PLEC: variants seen among roughly 807,000 people sequenced by gnomAD.
PLEC encodes the protein hemidesmosomal protein 1.
PLEC carries 216 observed loss-of-function variants against 392.8 expected under a neutral mutation model. The ratio of observed to expected loss-of-function variants is 0.55; its 90% confidence interval spans 0.49 to 0.62. The LOEUF (loss-of-function observed/expected upper bound fraction) is 0.62, where lower values mean the gene tolerates loss of function less well. Among genes scored for constraint, PLEC ranks in the 20% least tolerant of loss-of-function variants. PLEC has a pLI of 0.00. For synonymous variants in PLEC, 3,621 were observed against 2,980.6 expected (o/e 1.21, Z -7.00); for missense variants, 6,863 against 6,563.4 (o/e 1.05, Z -1.58).
At chr8:143,941,694 CA>C (rs61586730), upstream of PLEC, among the ~76,000 whole-genome samples, 141,280 of 141,290 alleles carry the variant, frequency 1, 70,635 homozygotes, top group Middle Eastern at 1. Flanking sequence ...CCGCCCCATC[CA>C]ATCCTATTCT....
At chr8:143,972,330 C>G (rs981350304) in intron 1 of PLEC, among the ~76,000 whole-genome samples, 2 of 152,208 alleles carry the variant, frequency 1.3e-5, no homozygotes, top group Admixed American at 6.5e-5. Flanking sequence ...TCCCCTGGCC[C>G]GAATGAACTA....
Position 143,932,408 on chromosome 8 carries a change from T to C in PLEC, c.1969A>G (p.Ser657Gly). 6.2e-7 allele frequency: 1 copy of C among 1,612,716 alleles called. No homozygotes were observed. The highest frequency in any genetic ancestry group is 1.7e-5 in the Admixed American group (1 of 60,008). The change falls in exon 16 of 32, where the codon AGC becomes GGC. Residue 657 changes from serine (S) to glycine (G), a missense_variant. Transcript: ENST00000345136. ...GCTGGGCCACCGCTCACCGAGTAGC[T>C]CTCCTTCTTGGCGGTCATGTTGGTG... is the stretch of plus-strand genomic sequence containing the variant. The part of the protein sequence containing the change: ...RNTNMTAKKE[S>G]YSALMRELEL...
exon 1 of PLEC, chr8:143,950,563 G>A: frequency 6.2e-7 from 1 of 1,608,554 alleles, no homozygotes; most frequent in Non-Finnish European, 8.5e-7. Flanking sequence ...TGGCACGCAT[G>A]ACCTGCAGGT....
At chr8:143,968,527 C>A (rs2132939491) in intron 1 of PLEC, among the ~76,000 whole-genome samples, 2 of 48,574 alleles carry the variant, frequency 4.1e-5, no homozygotes, top group African/African-American at 3.2e-4. Flanking sequence ...AAAACTCCAT[C>A]TCAAAAAAAA....
chr8:143,966,807 T>A (rs1344159857), intron 1 of PLEC, among the ~76,000 whole-genome samples: 2 of 152,040 alleles, frequency 1.3e-5, no homozygotes, highest in Non-Finnish European at 2.9e-5. Context: ...ATGTTTACAA[T>A]CATCCCTGTA....
rs373846655 is a variant in PLEC, at chr8:143,917,091, G to A, written c.12730C>T (p.Arg4244Cys). ...GATCCCACCGAGGAGGAACGGGAGC[G>A]GAAACCACCGGCGTTGCCCGAGAGC... ...DMLSGNAGGF[R>C]SRSSSVGSSS... Residue 4244 changes from arginine to cysteine, a missense_variant, in exon 32 of 32, where the codon CGC (arginine) becomes TGC (cysteine). Coordinates refer to ENST00000345136, the MANE Select transcript of PLEC (RefSeq NM_201384.3). The A allele has an allele frequency of 2.1e-5, 34 of 1,606,440 alleles. No homozygotes were observed. The highest frequency in any genetic ancestry group is 1.1e-4 in the East Asian group (5 of 44,666).
In PLEC at chr8:143,924,256, G is replaced by C. The variant is rs191863619; in HGVS notation, c.5673C>G (p.Ile1891Met). The part of the protein sequence containing the change: ...EEQAAQHKAD[I>M]EERLAQLRKA... ...TGCGCAGCTGGGCCAGGCGCTCCTC[G>C]ATGTCAGCCTTGTGTTGCGCGGCCT... The change falls in exon 31 of 32, where the codon ATC becomes ATG. Residue 1891 changes from isoleucine to methionine, a missense_variant. Physicochemically the swap from Ile to Met is conservative, Grantham distance 10 (BLOSUM62 1). Transcript: ENST00000345136. 3 of 1,597,504 alleles carry C rather than the reference G, an allele frequency of 1.9e-6. No individual in the cohort carries two copies. The South Asian group carries it at 3.3e-5, about 18-fold the overall frequency.
chr8:143,965,725 C>T (rs1833054574), intron 1 of PLEC, among the ~76,000 whole-genome samples: 1 of 152,210 alleles, frequency 6.6e-6, no homozygotes, highest in Non-Finnish European at 1.5e-5. Context: ...CCCAACAGCC[C>T]AACCCTGGGA....
exon 1 of PLEC, chr8:143,950,793 G>T (rs1554736168): frequency 1.3e-6 from 2 of 1,525,188 alleles, no homozygotes; most frequent in East Asian, 4.9e-5. Flanking sequence ...AGAAGCTCCC[G>T]CGCTACAGGG....
intron 1 of PLEC, among the ~76,000 whole-genome samples, chr8:143,965,959 T>G (rs1554742099): frequency 6.6e-6 from 1 of 152,138 alleles, no homozygotes; most frequent in Non-Finnish European, 1.5e-5. Context: ...CTAGCCTCCA[T>G]GTCACCGCTC....
intron 1 of PLEC, among the ~76,000 whole-genome samples, chr8:143,949,669 A>C (rs1041295283): frequency 6.6e-6 from 1 of 152,146 alleles, no homozygotes; most frequent in Non-Finnish European, 1.5e-5. Context: ...GCCACCACCA[A>C]GTCCAAGCTG....
At chr8:143,949,846 G>C (rs557674794) in intron 1 of PLEC, among the ~76,000 whole-genome samples, 1 of 152,186 alleles carries the variant, frequency 6.6e-6, no homozygotes, top group African/African-American at 2.4e-5. Flanking sequence ...GAGGAGCCTC[G>C]GGGAAGACAG....
At position 143,923,615 on chromosome 8, in the gene PLEC, G is replaced by A. The variant is rs74772299; in HGVS notation, c.6314C>T (p.Ala2105Val). Residue 2105 changes from alanine to valine, a missense_variant, in exon 31 of 32, where the codon GCG becomes GTG. By Grantham distance (64) the Ala-to-Val change is moderately conservative. Transcript: ENST00000345136. ...EARVQAEREA[A>V]QSRRQVEEAE... Reference sequence around the variant, plus strand: ...CTCTTCCACCTGCCGCCGGGACTGCGCCGCCTCACGCTCCGCCTGCACCCG... The same window carrying A: ...CTCTTCCACCTGCCGCCGGGACTGCACCGCCTCACGCTCCGCCTGCACCCG... 73,549 of 1,589,866 alleles carry A rather than the reference G, an allele frequency of 0.046. 2,568 individuals are homozygous for A. The highest frequency in any genetic ancestry group is 0.13 in the Admixed American group (7,974 of 59,296).
chr8:143,968,889 C>T (rs529933875), intron 1 of PLEC, among the ~76,000 whole-genome samples: 46 of 152,292 alleles, frequency 3.0e-4, no homozygotes, highest in South Asian at 2.1e-3. Context: ...TTGGAAACCT[C>T]GCACCCGGCT....
chr8:143,938,152 A>G lies in PLEC; in HGVS notation c.263T>C (p.Leu88Pro). ...SLLEVLSGDSLPREKGRMRFH... is the reference protein window; with the variant it reads ...SLLEVLSGDSPPREKGRMRFH... ...CGGAGGGGGCAGGGGCACACGTACC[A>G]GGCTGTCCCCCGAGAGGACCTCCAG... The change falls in exon 3 of 32, where the codon CTG (leucine) becomes CCG (proline). Residue 88 changes from leucine to proline, a missense_variant and splice_region_variant. Physicochemically the swap from Leu to Pro is moderately conservative, Grantham distance 98. Coordinates refer to ENST00000345136, the MANE Select transcript of PLEC (RefSeq NM_201384.3). The G allele has an allele frequency of 2.5e-6, 4 of 1,601,778 alleles. No individual in the cohort carries two copies. Among genetic ancestry groups the G allele is most frequent in the Non-Finnish European group, 3.4e-6 (4 of 1,176,248 alleles).
Position 143,922,590 on chromosome 8 carries a change from G to A in PLEC, c.7339C>T (p.Arg2447Cys), listed in dbSNP as rs781936848. The change falls in exon 31 of 32, where the codon CGC becomes TGC. Residue 2447 changes from arginine (R) to cysteine (C), a missense_variant. Transcript: ENST00000345136. ...AGCTCAGCGATGGCCTCCCGCAGGC[G>A]CTCGGCATCATGGTCACTCTGCTGT... ...QRQQSDHDAE[R>C]LREAIAELER... is the part of the protein sequence containing the mutation. 186 of 1,613,544 alleles carry A rather than the reference G, an allele frequency of 1.2e-4. No individual in the cohort carries two copies. The Admixed American group carries it at 2.5e-3, about 21-fold the overall frequency.
At position 143,916,550 on chromosome 8, in the gene PLEC, T is replaced by C. The variant is rs1586748664; in HGVS notation, c.13271A>G (p.Lys4424Arg). 2 of 1,611,764 alleles carry C rather than the reference T, an allele frequency of 1.2e-6. No homozygotes were observed. The highest frequency in any genetic ancestry group is 2.2e-5 in the South Asian group (2 of 91,080). Residue 4424 changes from lysine (K) to arginine (R), a missense_variant, in exon 32 of 32, where the codon AAG becomes AGG. Coordinates refer to ENST00000345136, the MANE Select transcript of PLEC (RefSeq NM_201384.3). ...RGTVDARTAQ[K>R]LRDVGAYSKY... ...GGAGTAGGCGCCCACGTCACGCAGC[T>C]TCTGTGCGGTGCGGGCGTCCACCGT... is the stretch of plus-strand genomic sequence containing the variant.
At position 143,969,978 on chromosome 8, in the gene PLEC, G is replaced by A. The variant is rs111378623; in HGVS notation, c.70+3425C>T. ...TGGGTGTGTTGGGTCTCCACAGGGC[G>A]TGTGCCCAGCCTGTGGCCTGCACTC... On this transcript the variant is annotated intron_variant, in intron 1 of 31. Coordinates refer to the PLEC transcript ENST00000356346. The surrounding 1 kb of genome is among the most constrained non-coding windows in gnomAD (Gnocchi z 5.1). Among the ~76,000 whole-genome samples, 4 of 152,060 alleles carry A rather than the reference G, an allele frequency of 2.6e-5. No homozygotes were observed. The highest frequency in any genetic ancestry group is 7.2e-5 in the African/African-American group (3 of 41,394).
rs782170916 is a variant in PLEC at position 143,934,707 on chromosome 8, C to T, written c.969G>A (p.Lys323=). 1 of 1,612,768 alleles carries T rather than the reference C, an allele frequency of 6.2e-7. No homozygotes were observed. The highest frequency in any genetic ancestry group is 1.1e-5 in the South Asian group (1 of 91,088). Residue 323 remains lysine, a synonymous_variant, in exon 10 of 32, where the codon AAG becomes AAA. Coordinates refer to ENST00000345136, the MANE Select transcript of PLEC (RefSeq NM_201384.3). ...TGGCTGGTAGCTCCATCTCCTTAAA[C>T]TTCAGGAACTGAGACCACAGGATCT... ...EIEILWSQFL[K]FKEMELPAKE...
Sources: gnomAD v4.1 joint callset for allele counts (sites outside exome capture counted in the v4.1 genomes callset) on GRCh38, gnomAD v4.1.1 for gene constraint, Gnocchi (gnomAD v3.1) non-coding constraint, MANE v1.5 for transcripts, NCBI Gene and HGNC (gene_info 2026-07-23, HGNC 2026-07-21) for gene names.